Variants in SGSH observed in about 807,000 individuals in gnomAD.
SGSH encodes the protein N-sulfoglucosamine sulfohydrolase.
A neutral mutation model predicts 51.0 loss-of-function variants in SGSH; 48 were observed. The observed-to-expected ratio is 0.94, with a 90% CI of 0.75 to 1.20. SGSH has a LOEUF of 1.20. Among genes scored for constraint, SGSH ranks in the 50% most tolerant of loss-of-function variants. The pLI is 0.00. For missense variants in SGSH, 662 were observed against 717.8 expected (o/e 0.92, Z 0.89); for synonymous variants, 321 against 313.4 (o/e 1.02, Z -0.26).
downstream of SGSH, chr17:80,204,235 T>C (rs761028080): frequency 6.3e-7 from 1 of 1,589,676 alleles, no homozygotes; most frequent in Non-Finnish European, 8.6e-7. Context: ...AGCCATCTTC[T>C]GGGGGACCAC....
rs770944322 is a variant in SGSH at position 80,213,822 on chromosome 17, C to T, written c.727G>A (p.Val243Ile). The change falls in exon 6 of 8, where the codon GTC (valine) becomes ATC (isoleucine). Residue 243 changes from valine to isoleucine, a missense_variant. Coordinates refer to ENST00000326317, the MANE Select transcript of SGSH (RefSeq NM_000199.5). The surrounding 1 kb of genome is among the most constrained non-coding windows in gnomAD (Gnocchi z 4.6). ...AGCCCACCTTGGTCCATGCGGCCGA[C>T]GGTGGTGTACTGAGCGGCCAGGTCG... ...RADLAAQYTT[V>I]GRMDQGVGLV... is the part of the protein sequence containing the mutation. 1.2e-5 allele frequency: 20 copies of T among 1,606,298 alleles called. No homozygotes were observed. In the Admixed American group the frequency reaches 2.0e-4, roughly 16 times the overall value.
At chr17:80,201,750 T>C (rs1302476342), downstream of SGSH, 6 of 1,614,002 alleles carry the variant, frequency 3.7e-6, no homozygotes, top group South Asian at 1.1e-5. The surrounding 1 kb of genome is among the most constrained non-coding windows in gnomAD (Gnocchi z 5.0). Flanking sequence ...TCAGGTTGAT[T>C]ACGAAGCCTC....
At position 80,217,209 on chromosome 17, in the gene SGSH, A is replaced by T. The variant is rs2041926405; in HGVS notation, c.89-17T>A. On this transcript the variant is annotated splice_polypyrimidine_tract_variant and intron_variant, in intron 1 of 7. Transcript: ENST00000326317. ...CGTCATCCGCTGCGTGAGGTGGGAG[A>T]CAGAGAGTGCACGGTCGGCTGCGGT... The T allele has an allele frequency of 6.3e-7, 1 of 1,593,404 alleles. No individual in the cohort carries two copies.
chr17:80,201,707 C>T, the SGSH span: 263 of 1,612,016 alleles, frequency 1.6e-4, no homozygotes, highest in Non-Finnish European at 1.5e-4. The surrounding 1 kb of genome is among the most constrained non-coding windows in gnomAD (Gnocchi z 5.0). Context: ...TTCAGAGTCC[C>T]GGGGGAAAGA....
At chr17:80,204,627 GA>G (rs35116471), downstream of SGSH, 114,928 of 290,020 alleles carry the variant, frequency 0.4, 17,891 homozygotes, top group East Asian at 0.46. Flanking sequence ...TCTGTCTCAG[GA>G]AAAAAAAAAA....
chr17:80,215,188 G>T (rs750902768), intron 2 of SGSH, 50 bp from the exon 3 acceptor site: 1 of 1,371,238 alleles, frequency 7.3e-7, no homozygotes. Flanking sequence ...GCCAGAGCCC[G>T]CCTGCCGCAC....
downstream of SGSH, chr17:80,203,542 C>G (rs72853655): frequency 2.5e-6 from 1 of 406,524 alleles, no homozygotes. The surrounding 1 kb of genome is among the most constrained non-coding windows in gnomAD (Gnocchi z 4.6). Flanking sequence ...GGGCCCTGTA[C>G]GCTGGCTGCT....
At chr17:80,216,635 A>G (rs1257638392) in intron 2 of SGSH, 4 of 258,360 alleles carry the variant, frequency 1.5e-5, no homozygotes, top group Non-Finnish European at 2.3e-5. Flanking sequence ...TCCCTGCACC[A>G]TGGCGTTCCT....
In SGSH at chr17:80,217,191, C is replaced by T. The variant is rs549213151; in HGVS notation, c.90G>A (p.Ala30=). 7.1e-5 allele frequency: 113 copies of T among 1,598,054 alleles called. No individual in the cohort carries two copies. Among genetic ancestry groups the T allele is most frequent in the South Asian group, 3.4e-4 (30 of 89,022 alleles). The stretch of plus-strand genomic sequence containing the variant: ...CGCCACTCTCAAAGCCTCCGTCATC[C>T]GCTGCGTGAGGTGGGAGACAGAGAG... ...ARPRNALLLL[A]DDGGFESGAY... Residue 30 remains alanine, a splice_region_variant and synonymous_variant, in exon 2 of 8, where the codon GCG becomes GCA. Transcript: ENST00000326317.
In SGSH at chr17:80,212,444, GC is replaced by G; in HGVS notation, c.746-171del. On this transcript the variant is annotated intron_variant, in intron 6 of 7. Transcript: ENST00000326317. This position sits in a 1 kb window ranked among gnomAD's most constrained non-coding sequence, Gnocchi z 5.9. ...TGGCCCTGGCTCTTGCCCAGCTCTT[GC>G]CCAGCTCCGCCCAGCTCCCATTCCC... The G allele has an allele frequency of 1.5e-6, 1 of 660,144 alleles. No individual in the cohort carries two copies. The highest frequency in any genetic ancestry group is 2.7e-6 in the Non-Finnish European group (1 of 364,134). 40.9% of individuals were successfully genotyped at this position (660,144 alleles called of 1,614,324 possible).
rs539024687 is a variant in SGSH, at chr17:80,212,051, G to A, written c.949+20C>T. ...GATCCACTCCCACACCTTTCCTGAC[G>A]GAGACAGACAAAGGCATACCTAGGA... is the stretch of plus-strand genomic sequence containing the variant. On this transcript the variant is annotated intron_variant, in intron 7 of 7. Coordinates refer to ENST00000326317, the MANE Select transcript of SGSH (RefSeq NM_000199.5). This position sits in a 1 kb window ranked among gnomAD's most constrained non-coding sequence, Gnocchi z 5.9. The A allele has an allele frequency of 1.4e-5, 23 of 1,608,146 alleles. No individual in the cohort carries two copies. Among genetic ancestry groups the A allele is most frequent in the African/African-American group, 1.1e-4 (8 of 74,902 alleles).
At chr17:80,214,071 C>G (rs1160466514) in intron 5 of SGSH, 101 bp downstream of exon 5, 1 of 1,473,406 alleles carries the variant, frequency 6.8e-7, no homozygotes, top group Non-Finnish European at 9.3e-7. Context: ...GTCAGAGCCT[C>G]TTTCTTCATC....
At chr17:80,208,682 A>C (rs1598731238), downstream of SGSH, 1 of 247,444 alleles carries the variant, frequency 4.0e-6, no homozygotes. Flanking sequence ...TCTCTGGAAA[A>C]CCGCCTGTCT....
downstream of SGSH, chr17:80,207,229 C>G: frequency 1.7e-6 from 1 of 598,062 alleles, no homozygotes; most frequent in East Asian, 3.0e-5. Context: ...AACTTTGGGA[C>G]AAGGGCCCCG....
downstream of SGSH, chr17:80,202,730 T>A (rs751461373): frequency 1.1e-4 from 72 of 671,956 alleles, no homozygotes; most frequent in Middle Eastern, 5.4e-4. Flanking sequence ...TCCTGGGCAC[T>A]GCAGGATATA....
chr17:80,210,660 G>A lies in SGSH; in HGVS notation c.1301C>T (p.Ala434Val), dbSNP rs76375023. 2.7e-5 allele frequency: 43 copies of A among 1,613,912 alleles called. No individual in the cohort carries two copies. In the African/African-American group the frequency reaches 3.1e-4, roughly 12 times the overall value. The change falls in exon 8 of 8, where the codon GCG (alanine) becomes GTG (valine). Residue 434 changes from alanine to valine, a missense_variant. Ala to Val is a moderately conservative substitution (Grantham distance 64). Transcript: ENST00000326317. ...GCTCCGGTCGTAGAGCTCCCAGCGC[G>A]CCCGGTAGTAGTAATGACGGAGGTC... ...YKDLRHYYYRARWELYDRSRD... is the reference protein window; with the variant it reads ...YKDLRHYYYRVRWELYDRSRD...
At chr17:80,206,733 C>T (rs2041337600), downstream of SGSH, 1 of 251,654 alleles carries the variant, frequency 4.0e-6, no homozygotes, top group Non-Finnish European at 7.6e-6. Flanking sequence ...CGCCACTGCA[C>T]TCCAGCCTGG....
chr17:80,212,397 A>T lies in SGSH; in HGVS notation c.746-123T>A, dbSNP rs184812857. 2.1e-5 allele frequency: 17 copies of T among 829,084 alleles called. No homozygotes were observed. In the Admixed American group the frequency reaches 3.0e-4, roughly 15 times the overall value. 51.4% of individuals were successfully genotyped at this position (829,084 alleles called of 1,614,324 possible). ...GGCTCCAGCGCTTTCCGGATTCGAA[A>T]GCACCCTGTAGTTCTTCCCAATGGC... On this transcript the variant is annotated intron_variant, in intron 6 of 7. Transcript: ENST00000326317. The surrounding 1 kb of genome is among the most constrained non-coding windows in gnomAD (Gnocchi z 5.9).
intron 3 of SGSH, 81 bp downstream of exon 3, chr17:80,214,952 G>A: frequency 7.3e-7 from 1 of 1,372,886 alleles, no homozygotes; most frequent in Non-Finnish European, 1.0e-6. Context: ...GCGTGCCTTG[G>A]TACAAGGTGC....
Sources: allele counts gnomAD v4.1 joint callset, GRCh38; gene constraint gnomAD v4.1.1; non-coding constraint Gnocchi (gnomAD v3.1); transcripts MANE v1.5; gene names NCBI Gene and HGNC (gene_info 2026-07-23, HGNC 2026-07-21).